Variants in CUTC observed in about 807,000 individuals in gnomAD.
The protein encoded by CUTC is copper homeostasis protein cutC homolog.
A neutral mutation model predicts 36.2 loss-of-function variants in CUTC; 27 were observed. The ratio of observed to expected loss-of-function variants is 0.75; its 90% confidence interval spans 0.55 to 1.03. CUTC has a LOEUF of 1.03. Among genes scored for constraint, CUTC ranks in the 50% least tolerant of loss-of-function variants. CUTC has a pLI of 0.00. For missense variants in CUTC, 315 were observed against 343.5 expected, an observed-to-expected ratio of 0.92 and a Z score of 0.66; for synonymous variants, 114 against 118.3, an observed-to-expected ratio of 0.96 and a Z score of 0.24.
intron 5 of CUTC, among the ~76,000 whole-genome samples, chr10:99,745,307 A>T (rs2037370570): frequency 6.6e-6 from 1 of 152,222 alleles, no homozygotes. Context: ...ATGAGATATC[A>T]TAATATAGTT....
intron 4 of CUTC, among the ~76,000 whole-genome samples, chr10:99,743,598 T>C (rs1452387210): frequency 6.6e-6 from 1 of 152,182 alleles, no homozygotes; most frequent in East Asian, 1.9e-4. Context: ...TCCCATAGAA[T>C]AGAAATTTAA....
At chr10:99,735,101 C>CAAAAAAAAAAAAAAAA (rs56971127) in intron 1 of CUTC, among the ~76,000 whole-genome samples, 1 of 68,792 alleles carries the variant, frequency 1.5e-5, no homozygotes, top group African/African-American at 5.9e-5. Flanking sequence ...GACTCTGTAT[C>CAAAAAAAAAAAAAAAA]AAAAAAAAAA....
chr10:99,750,429 C>T (rs1271175719), intron 7 of CUTC, 33 bp downstream of exon 7: 10 of 1,560,990 alleles, frequency 6.4e-6, no homozygotes, highest in Non-Finnish European at 7.8e-6. Context: ...ACTAGCATAA[C>T]ACTGAACTAT....
Position 99,743,133 on chromosome 10 carries a change from TCTG to T in CUTC, c.194-17_194-15del, listed in dbSNP as rs1204407362. 6.2e-7 allele frequency: 1 copy of T among 1,610,702 alleles called. No homozygotes were observed. Among genetic ancestry groups the T allele is most frequent in the African/African-American group, 1.3e-5 (1 of 74,906 alleles). Reference sequence around the variant, plus strand: ...CTTTTAGCTCACATTTGAATTTTAATCTGCTTTCTTTTCTTGTAGGTGTCCTTC... The same window carrying T: ...CTTTTAGCTCACATTTGAATTTTAATCTTTCTTTTCTTGTAGGTGTCCTTC... On this transcript the variant is annotated splice_polypyrimidine_tract_variant and intron_variant, in intron 3 of 8. Transcript: ENST00000370476.
chr10:99,738,303 A>G (rs888182021), intron 2 of CUTC, among the ~76,000 whole-genome samples: 18 of 152,138 alleles, frequency 1.2e-4, no homozygotes, highest in African/African-American at 4.3e-4. Flanking sequence ...AAAACACCAC[A>G]ATGTCACTAA....
intron 6 of CUTC, among the ~76,000 whole-genome samples, chr10:99,748,236 A>G (rs2037393172): frequency 6.6e-6 from 1 of 152,210 alleles, no homozygotes; most frequent in Non-Finnish European, 1.5e-5. Context: ...AGAGTTTCTC[A>G]GAAGATTGCT....
chr10:99,733,207 G>A (rs2037241173), intron 1 of CUTC, among the ~76,000 whole-genome samples: 1 of 152,164 alleles, frequency 6.6e-6, no homozygotes, highest in South Asian at 2.1e-4. Context: ...TACTCGGGAG[G>A]CTGAGGCAGG....
intron 7 of CUTC, 96 bp from the exon 8 acceptor site, chr10:99,754,433 T>C: frequency 2.5e-6 from 2 of 794,994 alleles, no homozygotes; most frequent in Non-Finnish European, 4.2e-6. Context: ...AGAAATTCAG[T>C]TTGGGGATTC....
intron 1 of CUTC, among the ~76,000 whole-genome samples, chr10:99,735,629 A>G (rs868242936): frequency 1.3e-5 from 2 of 152,188 alleles, no homozygotes; most frequent in Non-Finnish European, 2.9e-5. Flanking sequence ...GCTGATCTCC[A>G]ATTCCTGACC....
chr10:99,732,282 C>T lies in CUTC; in HGVS notation c.-67C>T, dbSNP rs2037199026. Reference sequence around the variant, plus strand: ...GCGCAGCTGTTGACGCGCTTCTTAGCTGGTGCGCGCCGGAGCCCAAATTCC... The same window carrying T: ...GCGCAGCTGTTGACGCGCTTCTTAGTTGGTGCGCGCCGGAGCCCAAATTCC... On this transcript the variant is annotated 5_prime_UTR_variant, in exon 1 of 9. Transcript: ENST00000370476. 1.3e-6 allele frequency: 2 copies of T among 1,546,938 alleles called. No homozygotes were observed. Among genetic ancestry groups the T allele is most frequent in the Admixed American group, 4.0e-5 (2 of 50,518 alleles).
Position 99,755,627 on chromosome 10 carries a change from A to G in CUTC, c.710A>G (p.Asn237Ser), listed in dbSNP as rs770087814. The G allele has an allele frequency of 1.9e-6, 3 of 1,599,088 alleles. No homozygotes were observed. The highest frequency in any genetic ancestry group is 1.3e-5 in the African/African-American group (1 of 74,580). The change falls in exon 9 of 9, where the codon AAT becomes AGT. Residue 237 changes from asparagine to serine, a missense_variant and splice_region_variant. By Grantham distance (46) the Asn-to-Ser change is conservative. Coordinates refer to ENST00000370476, the MANE Select transcript of CUTC (RefSeq NM_015960.3). ...STRDSGMKFR[N>S]SSVAMGASLS... ...TTCCTTTATTATTTCTGTTACAGAA[A>G]TTCATCTGTTGCCATGGGAGCCTCA...
chr10:99,753,028 A>G (rs1016813090), intron 7 of CUTC, among the ~76,000 whole-genome samples: 3 of 152,186 alleles, frequency 2.0e-5, no homozygotes, highest in African/African-American at 7.2e-5. Context: ...TGAAACCTAC[A>G]ACATATTTAG....
chr10:99,744,478 A>G (rs1271840049), intron 5 of CUTC, among the ~76,000 whole-genome samples: 2 of 152,206 alleles, frequency 1.3e-5, no homozygotes, highest in East Asian at 3.9e-4. Context: ...AAGCCAGGCA[A>G]AACCATCCCT....
chr10:99,735,720 C>T (rs2037291844), intron 1 of CUTC, among the ~76,000 whole-genome samples: 1 of 152,144 alleles, frequency 6.6e-6, no homozygotes, highest in African/African-American at 2.4e-5. Context: ...ATAACTAATA[C>T]TTTTTGATTC....
intron 1 of CUTC, 64 bp downstream of exon 1, chr10:99,732,473 T>TCG (rs1449543452): frequency 4.5e-6 from 7 of 1,544,998 alleles, no homozygotes; most frequent in Non-Finnish European, 5.2e-6. Flanking sequence ...CCGGCGGGAG[T>TCG]CGTAGTCAGT....
chr10:99,752,553 C>G (rs1000372928), intron 7 of CUTC, among the ~76,000 whole-genome samples: 1 of 152,084 alleles, frequency 6.6e-6, no homozygotes, highest in Non-Finnish European at 1.5e-5. Flanking sequence ...TGATGCTTTT[C>G]CATTTAGCAC....
intron 5 of CUTC, among the ~76,000 whole-genome samples, chr10:99,746,286 C>T (rs1185192893): frequency 6.6e-6 from 1 of 152,162 alleles, no homozygotes; most frequent in African/African-American, 2.4e-5. Context: ...CACATGTTCT[C>T]ACTCATAAGT....
chr10:99,752,390 A>G (rs982044385), intron 7 of CUTC, among the ~76,000 whole-genome samples: 58 of 152,184 alleles, frequency 3.8e-4, no homozygotes, highest in African/African-American at 1.3e-3. Context: ...AAAAGAAAAA[A>G]AAAAAAAGGC....
At chr10:99,736,120 A>G (rs1008500112) in intron 1 of CUTC, 126 bp from the exon 2 acceptor site, 4 of 686,188 alleles carry the variant, frequency 5.8e-6, no homozygotes, top group Non-Finnish European at 1.1e-5. Context: ...CATGGGCCCT[A>G]GTGTACTTAT....
Sources: allele counts gnomAD v4.1 joint callset (sites outside exome capture counted in the v4.1 genomes callset), GRCh38; gene constraint gnomAD v4.1.1; transcripts MANE v1.5; gene names NCBI Gene and HGNC (gene_info 2026-07-23, HGNC 2026-07-21).